CDH18: variants seen among roughly 807,000 people sequenced by gnomAD.
CDH18 encodes cadherin 18, also known as cadherin-18.
CDH18 carries 31 observed loss-of-function variants against 67.9 expected under a neutral mutation model. The ratio of observed to expected loss-of-function variants is 0.46; its 90% confidence interval spans 0.34 to 0.62. CDH18 has a LOEUF of 0.62. Ranked by LOEUF, CDH18 falls within the 20% of genes least tolerant of loss-of-function variation. The pLI is 0.01. For missense variants in CDH18, 890 were observed against 975.5 expected (o/e 0.91, Z 1.17); for synonymous variants, 362 against 347.2 (o/e 1.04, Z -0.48).
chr5:20,404,249 C>A (rs1444703285), intron 1 of CDH18, among the ~76,000 whole-genome samples: 1 of 152,146 alleles, frequency 6.6e-6, no homozygotes, highest in Non-Finnish European at 1.5e-5. Context: ...AGCAATACAG[C>A]TATTTTGCTT....
At chr5:20,116,367 T>G (rs1747913413) in intron 2 of CDH18, among the ~76,000 whole-genome samples, 1 of 151,296 alleles carries the variant, frequency 6.6e-6, no homozygotes, top group South Asian at 2.1e-4. Flanking sequence ...CAAAAAAAAA[T>G]GTAGCCAGGC....
intron 3 of CDH18, among the ~76,000 whole-genome samples, chr5:19,833,088 A>T (rs1478500433): frequency 1.3e-5 from 2 of 152,084 alleles, no homozygotes; most frequent in Admixed American, 6.6e-5. Flanking sequence ...TGATGGGAAT[A>T]GCATTGAATC....
At chr5:20,170,737 GT>G (rs1243038123) in intron 2 of CDH18, among the ~76,000 whole-genome samples, 1 of 152,020 alleles carries the variant, frequency 6.6e-6, no homozygotes, top group East Asian at 1.9e-4. Flanking sequence ...AGGGGTACAT[GT>G]GCAGGTTTGT....
At chr5:20,296,345 C>T (rs557717313) in intron 1 of CDH18, among the ~76,000 whole-genome samples, 14 of 151,768 alleles carry the variant, frequency 9.2e-5, no homozygotes, top group African/African-American at 2.4e-4. Flanking sequence ...GCTCCACCTC[C>T]GGGGTTCAGG....
intron 1 of CDH18, among the ~76,000 whole-genome samples, chr5:20,531,658 T>C (rs1290055978): frequency 6.6e-6 from 1 of 151,362 alleles, no homozygotes; most frequent in Non-Finnish European, 1.5e-5. Flanking sequence ...AAACACAGCA[T>C]GTTCTCACTT....
At chr5:20,278,166 G>T (rs1561933615) in intron 1 of CDH18, among the ~76,000 whole-genome samples, 1 of 152,050 alleles carries the variant, frequency 6.6e-6, no homozygotes, top group East Asian at 1.9e-4. Context: ...GAAAGTTATA[G>T]AACACCAAGC....
chr5:20,450,824 G>A (rs1581023248), intron 1 of CDH18, among the ~76,000 whole-genome samples: 1 of 152,142 alleles, frequency 6.6e-6, no homozygotes, highest in Non-Finnish European at 1.5e-5. Flanking sequence ...AACAGAAAGA[G>A]GTTTAATTGA....
intron 1 of CDH18, among the ~76,000 whole-genome samples, chr5:20,406,576 TA>T (rs66596977): frequency 0.52 from 78,771 of 150,672 alleles, 21,000 homozygotes; most frequent in Middle Eastern, 0.61. Context: ...TAAAGTATAA[TA>T]AAAAAAAAAG....
intron 4 of CDH18, among the ~76,000 whole-genome samples, chr5:19,726,216 G>A (rs532284772): frequency 2.0e-5 from 3 of 152,132 alleles, no homozygotes; most frequent in Non-Finnish European, 4.4e-5. Flanking sequence ...AGGAAGAAGG[G>A]TAGCATGGTG....
chr5:19,706,910 G>A (rs971898860), intron 5 of CDH18, among the ~76,000 whole-genome samples: 4 of 152,090 alleles, frequency 2.6e-5, no homozygotes, highest in African/African-American at 9.7e-5. Flanking sequence ...TAAATTTTTT[G>A]AGCCTGCCTA....
chr5:20,536,947 C>T (rs1044103331), intron 1 of CDH18, among the ~76,000 whole-genome samples: 2 of 152,070 alleles, frequency 1.3e-5, no homozygotes, highest in African/African-American at 4.8e-5. Flanking sequence ...AAGTAACCTC[C>T]ACTGAATTAG....
At chr5:19,694,886 A>AG (rs757829381) in intron 5 of CDH18, among the ~76,000 whole-genome samples, 2,399 of 151,654 alleles carry the variant, frequency 0.016, 23 homozygotes, top group Non-Finnish European at 0.022. Flanking sequence ...AAAAAAAAAA[A>AG]AGATAAGGTT....
chr5:19,711,374 C>T (rs1439755233), intron 5 of CDH18, among the ~76,000 whole-genome samples: 1 of 151,556 alleles, frequency 6.6e-6, no homozygotes, highest in Non-Finnish European at 1.5e-5. Context: ...GAATCTACAA[C>T]GAATGCATAC....
At chr5:20,004,092 C>T (rs1384939617) in intron 2 of CDH18, among the ~76,000 whole-genome samples, 3 of 152,198 alleles carry the variant, frequency 2.0e-5, no homozygotes, top group East Asian at 1.9e-4. Flanking sequence ...GCTGTTTGCT[C>T]GCAATCCAAA....
At chr5:20,289,453 T>G (rs890500783) in intron 1 of CDH18, among the ~76,000 whole-genome samples, 3 of 151,988 alleles carry the variant, frequency 2.0e-5, no homozygotes, top group African/African-American at 4.8e-5. Context: ...TGTGGCCACT[T>G]TAACTATTGT....
chr5:19,904,468 G>C (rs1790323724), intron 2 of CDH18, among the ~76,000 whole-genome samples: 1 of 151,858 alleles, frequency 6.6e-6, no homozygotes, highest in Non-Finnish European at 1.5e-5. Flanking sequence ...CTGGGAATTG[G>C]AGAGACACTT....
chr5:19,533,918 A>C (rs559035538), intron 9 of CDH18, among the ~76,000 whole-genome samples: 1 of 152,318 alleles, frequency 6.6e-6, no homozygotes, highest in South Asian at 2.1e-4. Flanking sequence ...TAATGAAAGG[A>C]AACCTATAAA....
intron 1 of CDH18, among the ~76,000 whole-genome samples, chr5:20,517,762 GA>G (rs1274288124): frequency 6.6e-6 from 1 of 151,922 alleles, no homozygotes; most frequent in African/African-American, 2.4e-5. Context: ...AAACACCAAA[GA>G]AAAAATCTAA....
chr5:20,129,371 A>T lies in CDH18; in HGVS notation c.-518+126073T>A, dbSNP rs1045741413. ...TAGAAAACATACATTAATTTTACAC[A>T]ATTTGCTTTTTATCTAAACTTACGT... On this transcript the variant is annotated intron_variant, in intron 2 of 14. Coordinates refer to the CDH18 transcript ENST00000507958. Among the ~76,000 whole-genome samples, 17 of 152,138 alleles carry T rather than the reference A, an allele frequency of 1.1e-4. 1 individual carries two copies. The East Asian group carries it at 3.3e-3, about 29-fold the overall frequency.
Sources: allele counts gnomAD v4.1 joint callset (sites outside exome capture counted in the v4.1 genomes callset), GRCh38; gene constraint gnomAD v4.1.1; transcripts MANE v1.5; gene names NCBI Gene and HGNC (gene_info 2026-07-23, HGNC 2026-07-21).